The following PC variants were observed in gnomAD, a reference collection of about 807,000 sequenced individuals.
PC encodes pyruvate carboxylase, mitochondrial.
In PC, 46 loss-of-function variants were observed where a neutral mutation model predicts 107.8. The observed-to-expected ratio is 0.43, with a 90% CI of 0.34 to 0.55. The LOEUF is 0.55. PC is among the 20% of genes least tolerant of loss of function. PC has a pLI of 0.04. For missense variants in PC, 1,241 were observed against 1,643.1 expected (o/e 0.76, Z 4.23); for synonymous variants, 662 against 684.7 (o/e 0.97, Z 0.52).
At chr11:66,933,281 A>G (rs1948908419) in intron 3 of PC, among the ~76,000 whole-genome samples, 1 of 152,074 alleles carries the variant, frequency 6.6e-6, no homozygotes, top group African/African-American at 2.4e-5. Flanking sequence ...GAGAAATGGG[A>G]GGCACTAAGA....
intron 3 of PC, among the ~76,000 whole-genome samples, chr11:66,930,491 C>T (rs1263464540): frequency 6.6e-6 from 1 of 152,110 alleles, no homozygotes; most frequent in Non-Finnish European, 1.5e-5. Context: ...CCTGTAATCC[C>T]AGCACTTTGG....
intron 3 of PC, among the ~76,000 whole-genome samples, chr11:66,892,767 A>C (rs933715785): frequency 2.6e-5 from 4 of 152,118 alleles, no homozygotes; most frequent in Admixed American, 2.0e-4. Context: ...AGGCAGGAGA[A>C]TCGCTTGAAC....
intron 12 of PC, chr11:66,859,037 A>T (rs1322888809): frequency 6.0e-6 from 9 of 1,506,754 alleles, no homozygotes; most frequent in Non-Finnish European, 8.0e-6. Context: ...CAGCCGACCC[A>T]GTGTGGATGT....
At position 66,896,818 on chromosome 11, in the gene PC, A is replaced by G. The variant is rs371876601; in HGVS notation, c.1-24659T>C. On this transcript the variant is annotated intron_variant, in intron 3 of 22. Coordinates refer to ENST00000393960, the MANE Select transcript of PC (RefSeq NM_001040716.2). ...GAGAAGCGTCCGCCTATATATACGC[A>G]CATACACTCATAAACATAGAGTATT... Among the ~76,000 whole-genome samples the G allele has an allele frequency of 1.8e-4, 28 of 152,348 alleles. No homozygotes were observed. In the East Asian group the frequency reaches 5.2e-3, roughly 28 times the overall value.
chr11:66,848,753 A>G lies in PC; in HGVS notation c.*146T>C. On this transcript the variant is annotated 3_prime_UTR_variant, in exon 23 of 23. Transcript: ENST00000393960. ...ATGGCTGAAAGGAATGAACCACCGCAGGCGGTGTCTCTCCTGTCCAGCTGT... is the reference window on the plus strand; with the variant it reads ...ATGGCTGAAAGGAATGAACCACCGCGGGCGGTGTCTCTCCTGTCCAGCTGT... 1 of 923,632 alleles carries G rather than the reference A, an allele frequency of 1.1e-6. No homozygotes were observed. The highest frequency in any genetic ancestry group is 1.7e-6 in the Non-Finnish European group (1 of 584,434). The allele number at this position is 923,632 out of a possible 1,614,324, so 57.2% of individuals were successfully genotyped here. A position where few individuals can be genotyped will look rare whatever the true frequency, so the allele number is the denominator to read the frequency against.
At chr11:66,925,067 C>G (rs993602370) in intron 3 of PC, among the ~76,000 whole-genome samples, 2 of 152,062 alleles carry the variant, frequency 1.3e-5, no homozygotes, top group Admixed American at 1.3e-4. Context: ...GTGTGGGTCA[C>G]AGAGATCATG....
chr11:66,913,101 G>T (rs572895267), intron 3 of PC, among the ~76,000 whole-genome samples: 1 of 152,226 alleles, frequency 6.6e-6, no homozygotes, highest in Non-Finnish European at 1.5e-5. Context: ...GAGACTGTTA[G>T]AACGGCAGCA....
rs1168220485 is a variant in PC at position 66,871,065 on chromosome 11, A to G, written c.620T>C (p.Val207Ala). The G allele has an allele frequency of 1.2e-6, 2 of 1,613,876 alleles. No individual in the cohort carries two copies. Among genetic ancestry groups the G allele is most frequent in the African/African-American group, 2.7e-5 (2 of 74,902 alleles). The part of the protein sequence containing the change: ...YGGGGRGMRV[V>A]HSYEELEENY... ...ATCTTCACTCACCTCGTAGCTGTGC[A>G]CCACCCTCATGCCACGCCCTCCACC... is the stretch of plus-strand genomic sequence containing the variant. The change falls in exon 7 of 23, where the codon GTG (valine) becomes GCG (alanine). Residue 207 changes from valine (V) to alanine (A), a missense_variant. Val to Ala is a moderately conservative substitution (Grantham distance 64, BLOSUM62 0). This residue lies in a region of PC where 1,143 missense variants were observed against 1,551.9 expected (regional missense o/e 0.74). Transcript: ENST00000393960. The surrounding 1 kb of genome is among the most constrained non-coding windows in gnomAD (Gnocchi z 7.4).
chr11:66,917,247 T>A (rs1053630655), intron 3 of PC, among the ~76,000 whole-genome samples: 1 of 151,978 alleles, frequency 6.6e-6, no homozygotes, highest in African/African-American at 2.4e-5. Flanking sequence ...AATTTTTGTA[T>A]TTTTAGTAGA....
chr11:66,953,269 T>C (rs1949481375), intron 2 of PC, among the ~76,000 whole-genome samples: 2 of 152,236 alleles, frequency 1.3e-5, no homozygotes, highest in Admixed American at 1.3e-4. Context: ...CTGTCTCTAA[T>C]CCTTCAGGAG....
At chr11:66,917,784 C>A (rs1035774809) in intron 3 of PC, among the ~76,000 whole-genome samples, 3 of 152,296 alleles carry the variant, frequency 2.0e-5, no homozygotes, top group Admixed American at 1.3e-4. Flanking sequence ...TTTATCTGGC[C>A]TGAACTTGGG....
At chr11:66,937,654 A>G (rs141793751) in intron 3 of PC, among the ~76,000 whole-genome samples, 12 of 151,982 alleles carry the variant, frequency 7.9e-5, no homozygotes, top group African/African-American at 2.2e-4. Context: ...AGCCTGAAAA[A>G]TCTCAAGGTA....
chr11:66,890,120 G>A (rs906270159), intron 3 of PC, among the ~76,000 whole-genome samples: 1 of 152,106 alleles, frequency 6.6e-6, no homozygotes, highest in Non-Finnish European at 1.5e-5. Flanking sequence ...GTGGGGCCTC[G>A]GGGAGAAGAT....
intron 3 of PC, among the ~76,000 whole-genome samples, chr11:66,878,143 C>A (rs577325640): frequency 1.3e-5 from 2 of 152,314 alleles, no homozygotes; most frequent in Admixed American, 6.5e-5. Flanking sequence ...GCACCCTCCC[C>A]CTCCTCACCT....
chr11:66,934,512 G>C (rs1168262640), intron 3 of PC: 1 of 154,090 alleles, frequency 6.5e-6, no homozygotes, highest in Non-Finnish European at 1.5e-5. Context: ...AGGAAACCAA[G>C]GCTTGAAGAA....
intron 1 of PC, among the ~76,000 whole-genome samples, chr11:66,955,898 G>A (rs1216104542): frequency 6.6e-5 from 10 of 151,918 alleles, no homozygotes; most frequent in Non-Finnish European, 1.3e-4. Context: ...TCAGCCTCCT[G>A]AGTAGCTGGG....
At chr11:66,868,333 T>C (rs1946583719) in intron 10 of PC, among the ~76,000 whole-genome samples, 1 of 152,242 alleles carries the variant, frequency 6.6e-6, no homozygotes, top group Non-Finnish European at 1.5e-5. Context: ...CCACTAAAAG[T>C]ATTCAGACAG....
chr11:66,859,199 C>G (rs1946087807), intron 12 of PC: 2 of 1,341,150 alleles, frequency 1.5e-6, no homozygotes, highest in Admixed American at 2.8e-5. Context: ...GGGCTGACAC[C>G]CCCTCCCCGA....
At chr11:66,895,744 CCAAAAA>C (rs1947736501) in intron 3 of PC, among the ~76,000 whole-genome samples, 1 of 151,958 alleles carries the variant, frequency 6.6e-6, no homozygotes, top group Non-Finnish European at 1.5e-5. Flanking sequence ...TCCAAGAGAT[CCAAAAA>C]CTAAATAATA....
Sources: allele counts gnomAD v4.1 joint callset (sites outside exome capture counted in the v4.1 genomes callset), GRCh38; gene constraint gnomAD v4.1.1; regional missense constraint gnomAD v4.1.1; non-coding constraint Gnocchi (gnomAD v3.1); transcripts MANE v1.5; gene names NCBI Gene and HGNC (gene_info 2026-07-23, HGNC 2026-07-21).